SAP130: variants seen among roughly 807,000 people sequenced by gnomAD.
The protein encoded by SAP130 is Sin3A associated protein 130.
Under a neutral mutation model 103.2 loss-of-function variants are expected in SAP130, and 16 were observed. The observed-to-expected ratio is 0.16, with a 90% CI of 0.10 to 0.24. SAP130 has a LOEUF of 0.24. Ranked by LOEUF, SAP130 falls within the 10% of genes least tolerant of loss-of-function variation. SAP130 has a pLI of 1.00. For missense variants in SAP130, 990 were observed against 1,359.7 expected (o/e 0.73, Z 4.28); for synonymous variants, 477 against 497.0 (o/e 0.96, Z 0.53).
At chr2:128,010,519 T>G in intron 6 of SAP130, 126 bp from the exon 7 acceptor site, 1 of 959,974 alleles carries the variant, frequency 1.0e-6, no homozygotes, top group Non-Finnish European at 1.5e-6. Flanking sequence ...AAATAAATTC[T>G]CACCATTCCA....
Position 127,989,821 on chromosome 2 carries a change from A to G in SAP130, c.1523T>C (p.Val508Ala). Reference sequence around the variant, plus strand: ...TAGGTGGACGGTAGACGCTACCCCAACACCAGTCTGAGCTGTGATGGCAGA... The same window carrying G: ...TAGGTGGACGGTAGACGCTACCCCAGCACCAGTCTGAGCTGTGATGGCAGA... ...PNSAITAQTG[V>A]GVASTVHLNP... The change falls in exon 13 of 21, where the codon GTT (valine) becomes GCT (alanine). Residue 508 changes from valine (V) to alanine (A), a missense_variant. Physicochemically the swap from Val to Ala is moderately conservative, Grantham distance 64. Transcript: ENST00000643581. This position sits in a 1 kb window ranked among gnomAD's most constrained non-coding sequence, Gnocchi z 4.6. 6.2e-7 allele frequency: 1 copy of G among 1,614,214 alleles called. No individual in the cohort carries two copies. Among genetic ancestry groups the G allele is most frequent in the South Asian group, 1.1e-5 (1 of 91,086 alleles).
At chr2:127,972,296 G>A (rs947120314) in intron 15 of SAP130, among the ~76,000 whole-genome samples, 1 of 152,188 alleles carries the variant, frequency 6.6e-6, no homozygotes, top group Admixed American at 6.6e-5. Flanking sequence ...GTCCATATGA[G>A]ACTTTGTTTT....
chr2:127,947,771 T>TGTGA (rs1241776801), intron 18 of SAP130, among the ~76,000 whole-genome samples: 66 of 142,626 alleles, frequency 4.6e-4, no homozygotes, highest in Admixed American at 7.7e-4. Flanking sequence ...TGTCTGTGTG[T>TGTGA]GTGTGTGTGT....
chr2:128,020,923 G>C (rs1277702138), intron 2 of SAP130, among the ~76,000 whole-genome samples: 2 of 152,082 alleles, frequency 1.3e-5, no homozygotes, highest in Non-Finnish European at 2.9e-5. Flanking sequence ...TTGAACCCAG[G>C]AGGCAGAGGT....
chr2:127,977,974 TA>T lies in SAP130; in HGVS notation c.2063+10del, dbSNP rs1420265223. The T allele has an allele frequency of 3.2e-6, 5 of 1,539,174 alleles. No homozygotes were observed. The Admixed American group carries it at 9.8e-5, about 30-fold the overall frequency. ...TAAAAGCAAGAGTGCGAAGAACACT[TA>T]GGTGCTCACCCTGCAGGCCTAGGTG... On this transcript the variant is annotated intron_variant, in intron 15 of 20. Transcript: ENST00000643581.
chr2:127,996,315 C>G lies in SAP130; in HGVS notation c.1355+35G>C. ...TGATAAAGCAGAACGATTAATGACA[C>G]AGTGAGGCAGAATAACTGACACACA... On this transcript the variant is annotated intron_variant, in intron 11 of 20. Coordinates refer to ENST00000643581, the MANE Select transcript of SAP130 (RefSeq NM_001330301.2). The surrounding 1 kb of genome is among the most constrained non-coding windows in gnomAD (Gnocchi z 4.3). 6.5e-7 allele frequency: 1 copy of G among 1,541,310 alleles called. No individual in the cohort carries two copies. Among genetic ancestry groups the G allele is most frequent in the Non-Finnish European group, 8.8e-7 (1 of 1,139,770 alleles).
chr2:127,945,215 G>A (rs78586052), intron 19 of SAP130, among the ~76,000 whole-genome samples: 4,238 of 152,200 alleles, frequency 0.028, 178 homozygotes, highest in African/African-American at 0.093. Context: ...TTAAATTTAG[G>A]TCTTACACCA....
At chr2:127,998,894 T>C (rs1036913060) in intron 10 of SAP130, among the ~76,000 whole-genome samples, 7 of 152,378 alleles carry the variant, frequency 4.6e-5, no homozygotes, top group African/African-American at 1.4e-4. Flanking sequence ...TCTGCCGTGA[T>C]AGCACTCAGG....
chr2:128,011,043 T>C (rs547023225), intron 6 of SAP130, among the ~76,000 whole-genome samples: 1 of 151,998 alleles, frequency 6.6e-6, no homozygotes, highest in Non-Finnish European at 1.5e-5. Flanking sequence ...CTACTATTGG[T>C]ACCAATGGGA....
At position 127,950,060 on chromosome 2, in the gene SAP130, TAAGTGAGGTAC is replaced by T. The variant is rs58721957; in HGVS notation, c.2672-77_2672-67del. The T allele has an allele frequency of 1.3e-3, 2,087 of 1,608,778 alleles. 32 individuals carry two copies. The African/African-American group carries it at 0.02, about 15-fold the overall frequency. On this transcript the variant is annotated intron_variant, in intron 17 of 20. Transcript: ENST00000643581. ...AACAATCCTCAAAGTTCATTTCCAGTAAGTGAGGTACGAGTGAGGCTGACTATGTAACGAGC... is the reference window on the plus strand; with the variant it reads ...AACAATCCTCAAAGTTCATTTCCAGTGAGTGAGGCTGACTATGTAACGAGC...
In SAP130 at chr2:128,014,785, A is replaced by G. The variant is rs764698508; in HGVS notation, c.619+18T>C. 6.4e-6 allele frequency: 10 copies of G among 1,569,830 alleles called. No homozygotes were observed. The highest frequency in any genetic ancestry group is 7.9e-6 in the Non-Finnish European group (9 of 1,139,784). On this transcript the variant is annotated intron_variant, in intron 5 of 20. Coordinates refer to ENST00000643581, the MANE Select transcript of SAP130 (RefSeq NM_001330301.2). ...CTACTACATTTTGAGAGTTTGAACA[A>G]AACTTGCAAGTCGTTACCTCGAGGT...
chr2:127,979,758 T>G (rs1573723982), intron 14 of SAP130, among the ~76,000 whole-genome samples: 1 of 152,180 alleles, frequency 6.6e-6, no homozygotes, highest in East Asian at 1.9e-4. Context: ...AGGATTTGCT[T>G]CAAAATAATA....
At chr2:127,995,372 A>C (rs1317081766) in intron 11 of SAP130, among the ~76,000 whole-genome samples, 1 of 152,240 alleles carries the variant, frequency 6.6e-6, no homozygotes, top group African/African-American at 2.4e-5. Flanking sequence ...GGCGAAATCC[A>C]CAGAAGCAGA....
intron 18 of SAP130, among the ~76,000 whole-genome samples, chr2:127,947,764 C>CTGTGTGTGTGTGTGTGTGTGTG (rs1553500423): frequency 1.5e-4 from 22 of 143,388 alleles, no homozygotes; most frequent in Admixed American, 6.2e-4. Flanking sequence ...TTGTGTGTGT[C>CTGTGTGTGTGTGTGTGTGTGTG]TGTGTGTGTG....
chr2:127,996,638 A>C lies in SAP130; in HGVS notation c.1214-147T>G. 1.4e-6 allele frequency: 1 copy of C among 700,648 alleles called. No individual in the cohort carries two copies. The highest frequency in any genetic ancestry group is 2.7e-5 in the South Asian group (1 of 37,456). The allele number at this position is 700,648 out of a possible 1,614,324, so 43.4% of individuals were successfully genotyped here. On this transcript the variant is annotated intron_variant, in intron 10 of 20. Coordinates refer to ENST00000643581, the MANE Select transcript of SAP130 (RefSeq NM_001330301.2). The surrounding 1 kb of genome is among the most constrained non-coding windows in gnomAD (Gnocchi z 4.3). The stretch of plus-strand genomic sequence containing the variant: ...AAAATAAAAAATGAAAAATAAGTAC[A>C]AAGTTCAACAGAATTATTTCAATCC...
intron 7 of SAP130, among the ~76,000 whole-genome samples, chr2:128,006,159 T>C (rs1683963956): frequency 1.3e-5 from 2 of 150,036 alleles, no homozygotes; most frequent in Admixed American, 1.3e-4. Context: ...CAAGTAATCA[T>C]GGAAAGAATA....
At chr2:127,944,455 A>G (rs1678925965) in intron 19 of SAP130, among the ~76,000 whole-genome samples, 1 of 149,638 alleles carries the variant, frequency 6.7e-6, no homozygotes, top group South Asian at 2.1e-4. Context: ...CCCGAGAGGG[A>G]GTTTTGCTCT....
At chr2:127,985,319 T>A (rs1393127485) in intron 14 of SAP130, among the ~76,000 whole-genome samples, 2 of 152,210 alleles carry the variant, frequency 1.3e-5, no homozygotes, top group Non-Finnish European at 2.9e-5. Context: ...ACAGCAAAGA[T>A]AGGGACTCTG....
intron 2 of SAP130, among the ~76,000 whole-genome samples, chr2:128,024,331 T>C (rs1685350746): frequency 6.7e-6 from 1 of 149,694 alleles, no homozygotes; most frequent in Admixed American, 6.7e-5. Flanking sequence ...AAAAAAAAAA[T>C]TAGGTTGGCA....
Sources: allele counts gnomAD v4.1 joint callset (sites outside exome capture counted in the v4.1 genomes callset), GRCh38; gene constraint gnomAD v4.1.1; non-coding constraint Gnocchi (gnomAD v3.1); transcripts MANE v1.5; gene names NCBI Gene and HGNC (gene_info 2026-07-23, HGNC 2026-07-21).